Variants in NTM observed in about 807,000 individuals in gnomAD.
NTM encodes neurotrimin, also known as IgLON family member 2.
A neutral mutation model predicts 42.1 loss-of-function variants in NTM; 13 were observed. The observed-to-expected ratio is 0.31, with a 90% CI of 0.20 to 0.49. NTM has a LOEUF of 0.49. Among genes scored for constraint, NTM ranks in the 20% least tolerant of loss-of-function variants. NTM has a pLI of 0.99. For synonymous variants in NTM, 187 were observed against 179.2 expected (o/e 1.04, Z -0.35); for missense variants, 373 against 452.8 (o/e 0.82, Z 1.60).
At chr11:131,448,355 G>A (rs867579252) in intron 1 of NTM, among the ~76,000 whole-genome samples, 2 of 152,208 alleles carry the variant, frequency 1.3e-5, no homozygotes, top group African/African-American at 2.4e-5. Context: ...TCCCCAGGGG[G>A]TTCACTGTCC....
intron 1 of NTM, among the ~76,000 whole-genome samples, chr11:131,494,700 AT>A (rs1488569495): frequency 2.6e-5 from 4 of 152,220 alleles, no homozygotes; most frequent in Admixed American, 6.5e-5. Context: ...TGAAAAAAAA[AT>A]ATCTCCTACC....
chr11:132,101,258 G>A (rs4486640), intron 2 of NTM, among the ~76,000 whole-genome samples: 106,940 of 151,950 alleles, frequency 0.7, 38,337 homozygotes, highest in African/African-American at 0.76. Flanking sequence ...GCTCACTTAG[G>A]CAAAAGAAAA....
intron 1 of NTM, among the ~76,000 whole-genome samples, chr11:131,646,063 A>T (rs1051761145): frequency 6.6e-6 from 1 of 152,262 alleles, no homozygotes; most frequent in African/African-American, 2.4e-5. Context: ...AGAGATATTG[A>T]TAAGAGGATA....
intron 7 of NTM, among the ~76,000 whole-genome samples, chr11:132,323,189 C>G (rs1365105271): frequency 1.4e-5 from 2 of 147,194 alleles, no homozygotes; most frequent in Admixed American, 6.8e-5. Flanking sequence ...CAGAGCAGAA[C>G]TGAAGGAAAT....
intron 1 of NTM, among the ~76,000 whole-genome samples, chr11:131,880,084 C>T (rs984090614): frequency 2.6e-5 from 4 of 152,182 alleles, no homozygotes; most frequent in Non-Finnish European, 5.9e-5. Context: ...GCCTCCCTAC[C>T]CTCTCCCACA....
rs751499551 is a variant in NTM, at chr11:131,565,642, T to C, written c.82+194754T>C. 3.3e-5 allele frequency among the ~76,000 whole-genome samples: 5 copies of C among 152,212 alleles called. No homozygotes were observed. The South Asian group carries it at 1.0e-3, about 32-fold the overall frequency. On this transcript the variant is annotated intron_variant, in intron 1 of 8. Transcript: ENST00000683400. ...TAATTGAGTGAGCAAGTAAGTGCCTTTATGTTCTCCATTTTTAGAGCAAAA... is the reference window on the plus strand; with the variant it reads ...TAATTGAGTGAGCAAGTAAGTGCCTCTATGTTCTCCATTTTTAGAGCAAAA...
intron 4 of NTM, among the ~76,000 whole-genome samples, chr11:132,234,705 A>G (rs1191566020): frequency 6.6e-6 from 1 of 152,182 alleles, no homozygotes; most frequent in Non-Finnish European, 1.5e-5. Context: ...TGTCATAGAG[A>G]TTTCTTTTCT....
In NTM at chr11:132,238,523, T is replaced by TAGACAGA. The variant is rs60760134; in HGVS notation, c.526+26385_526+26391dup. 2.9e-3 allele frequency among the ~76,000 whole-genome samples: 437 copies of TAGACAGA among 151,298 alleles called. 2 individuals are homozygous for TAGACAGA. Among genetic ancestry groups the TAGACAGA allele is most frequent in the African/African-American group, 9.5e-3 (389 of 41,158 alleles). ...TCAGAATCACCACAGCAACCCACAATAGACAGAAGACAGAACTAGACAATG... is the reference window on the plus strand; with the variant it reads ...TCAGAATCACCACAGCAACCCACAATAGACAGAAGACAGAAGACAGAACTAGACAATG... On this transcript the variant is annotated intron_variant, in intron 4 of 8. Coordinates refer to ENST00000683400, the MANE Select transcript of NTM (RefSeq NM_001352005.2).
intron 1 of NTM, chr11:131,794,986 T>C: frequency 1.0e-6 from 1 of 985,270 alleles, no homozygotes; most frequent in Non-Finnish European, 1.2e-6. Context: ...GGGGCAGCCT[T>C]GGGCAGGCTA....
chr11:131,768,594 G>T (rs1449691076), intron 1 of NTM, among the ~76,000 whole-genome samples: 1 of 152,112 alleles, frequency 6.6e-6, no homozygotes, highest in Non-Finnish European at 1.5e-5. Context: ...GCTAACAATG[G>T]GTAAACAAAC....
intron 2 of NTM, among the ~76,000 whole-genome samples, chr11:132,108,798 G>C: frequency 6.6e-6 from 1 of 152,228 alleles, no homozygotes; most frequent in African/African-American, 2.4e-5. Flanking sequence ...GTGGTTTGCT[G>C]CACCCATCAA....
At chr11:131,905,741 G>A (rs1004231309) in intron 1 of NTM, among the ~76,000 whole-genome samples, 2 of 151,998 alleles carry the variant, frequency 1.3e-5, no homozygotes, top group Admixed American at 6.5e-5. Flanking sequence ...GGAGGCCCAC[G>A]TTACTTTTGC....
At chr11:131,556,218 C>T (rs2055391780) in intron 1 of NTM, among the ~76,000 whole-genome samples, 1 of 152,162 alleles carries the variant, frequency 6.6e-6, no homozygotes. Context: ...CCCCAAGTCA[C>T]CTTCCCCTGG....
At chr11:132,311,973 C>G (rs1463502630) in intron 6 of NTM, among the ~76,000 whole-genome samples, 1 of 110,350 alleles carries the variant, frequency 9.1e-6, no homozygotes, top group East Asian at 3.5e-4. Context: ...AGCTTTGTTT[C>G]TGTCTTTCTT....
intron 1 of NTM, among the ~76,000 whole-genome samples, chr11:131,560,111 T>C (rs184196721): frequency 1.3e-5 from 2 of 152,348 alleles, no homozygotes; most frequent in African/African-American, 2.4e-5. Context: ...CCCACGTGTC[T>C]TCAGGAGATT....
rs1475229975 is a variant in NTM at position 131,965,495 on chromosome 11, AATT to A, written c.167+53855_167+53857del. Among the ~76,000 whole-genome samples the A allele has an allele frequency of 6.6e-4, 101 of 152,306 alleles. No homozygotes were observed. In the Middle Eastern group the frequency reaches 0.01, roughly 15 times the overall value. ...AGGGCATCGGCACATTATTTTAATT[AATT>A]ATTATTAATTGTATTATTAAATATT... is the stretch of plus-strand genomic sequence containing the variant. On this transcript the variant is annotated intron_variant, in intron 2 of 8. Coordinates refer to ENST00000683400, the MANE Select transcript of NTM (RefSeq NM_001352005.2).
At chr11:131,530,829 CTG>C (rs1683246261) in intron 1 of NTM, among the ~76,000 whole-genome samples, 1 of 152,186 alleles carries the variant, frequency 6.6e-6, no homozygotes, top group African/African-American at 2.4e-5. Flanking sequence ...AAAATCAAGA[CTG>C]TGTTGTCCAT....
intron 1 of NTM, among the ~76,000 whole-genome samples, chr11:131,470,414 G>A (rs1260949898): frequency 6.6e-6 from 1 of 152,176 alleles, no homozygotes; most frequent in Non-Finnish European, 1.5e-5. Flanking sequence ...TATTTCACCA[G>A]CTCATTTTTC....
chr11:131,697,832 A>T (rs966774632), intron 1 of NTM, among the ~76,000 whole-genome samples: 1 of 152,188 alleles, frequency 6.6e-6, no homozygotes, highest in African/African-American at 2.4e-5. Flanking sequence ...CCTCATGATC[A>T]GTTGTTTTCT....
Sources: allele counts gnomAD v4.1 joint callset (sites outside exome capture counted in the v4.1 genomes callset), GRCh38; gene constraint gnomAD v4.1.1; transcripts MANE v1.5; gene names NCBI Gene and HGNC (gene_info 2026-07-23, HGNC 2026-07-21).